The following DOCK3 variants were observed in gnomAD, a reference collection of about 807,000 sequenced individuals.
The protein encoded by DOCK3 is dedicator of cytokinesis protein 3.
Under a neutral mutation model 265.6 loss-of-function variants are expected in DOCK3, and 60 were observed. The ratio of observed to expected loss-of-function variants is 0.23; its 90% confidence interval spans 0.18 to 0.28. The LOEUF is 0.28. DOCK3 is among the 10% of genes least tolerant of loss of function. DOCK3 has a pLI of 1.00. For synonymous variants in DOCK3, 881 were observed against 938.0 expected, an observed-to-expected ratio of 0.94 and a Z score of 1.11; for missense variants, 1,981 against 2,594.3, an observed-to-expected ratio of 0.76 and a Z score of 5.14.
intron 1 of DOCK3, among the ~76,000 whole-genome samples, chr3:50,701,819 A>G (rs1009900784): frequency 6.6e-5 from 10 of 152,158 alleles, no homozygotes; most frequent in Non-Finnish European, 1.0e-4. Flanking sequence ...TATGGAAGAA[A>G]GTGTCCTATC....
intron 9 of DOCK3, among the ~76,000 whole-genome samples, chr3:51,123,427 A>C (rs2084123510): frequency 6.6e-6 from 1 of 152,204 alleles, no homozygotes. Context: ...GGGTTCTCCA[A>C]GACCACCCTT....
At position 51,229,524 on chromosome 3, in the gene DOCK3, C is replaced by T; in HGVS notation, c.1832C>T (p.Ala611Val). ...TKLTQNVDLL[A>V]LLKWKAFPDR... Reference sequence around the variant, plus strand: ...GCTTGCTTTCTAGTGGACCTCCTAGCTCTGCTGAAGTGGAAAGCCTTCCCC... The same window carrying T: ...GCTTGCTTTCTAGTGGACCTCCTAGTTCTGCTGAAGTGGAAAGCCTTCCCC... The change falls in exon 19 of 53, where the codon GCT becomes GTT. Residue 611 changes from alanine to valine, a missense_variant. Ala to Val is a moderately conservative substitution (Grantham distance 64, BLOSUM62 0). Transcript: ENST00000266037. 6.2e-7 allele frequency: 1 copy of T among 1,604,556 alleles called. No homozygotes were observed. Among genetic ancestry groups the T allele is most frequent in the Middle Eastern group, 1.7e-4 (1 of 6,030 alleles).
intron 2 of DOCK3, among the ~76,000 whole-genome samples, chr3:50,805,884 A>C (rs1163278737): frequency 1.3e-5 from 2 of 151,800 alleles, no homozygotes; most frequent in Non-Finnish European, 2.9e-5. Context: ...TGTCATTGGC[A>C]ACCTGTAGGG....
At chr3:50,964,365 G>A (rs2108413557) in intron 5 of DOCK3, among the ~76,000 whole-genome samples, 1 of 152,238 alleles carries the variant, frequency 6.6e-6, no homozygotes, top group South Asian at 2.1e-4. Context: ...AAACAATGAT[G>A]TTAAAGTGGT....
At chr3:51,173,107 A>G (rs985468559) in intron 12 of DOCK3, among the ~76,000 whole-genome samples, 1 of 152,074 alleles carries the variant, frequency 6.6e-6, no homozygotes, top group African/African-American at 2.4e-5. Context: ...TACCTTTACC[A>G]GTGAGTTTAT....
chr3:51,236,393 A>G lies in DOCK3; in HGVS notation c.1966A>G (p.Thr656Ala), dbSNP rs1388657894. The G allele has an allele frequency of 6.2e-7, 1 of 1,612,650 alleles. No homozygotes were observed. The change falls in exon 20 of 53, where the codon ACA (threonine) becomes GCA (alanine). Residue 656 changes from threonine (T) to alanine (A), a missense_variant. By Grantham distance (58) the Thr-to-Ala change is moderately conservative (BLOSUM62 0). This residue lies in a region of DOCK3 where 1,357 missense variants were observed against 1,866.8 expected (regional missense o/e 0.73). Transcript: ENST00000266037. ...DTLFVILDDNTEKYGLLVFQS... is the reference protein window; with the variant it reads ...DTLFVILDDNAEKYGLLVFQS... Reference sequence around the variant, plus strand: ...ACTCTTTGTGATTTTGGATGATAATACAGAGAAGTACGGCCTGTTGGTTTT... The same window carrying G: ...ACTCTTTGTGATTTTGGATGATAATGCAGAGAAGTACGGCCTGTTGGTTTT...
At chr3:51,153,482 A>G (rs1237640794) in intron 10 of DOCK3, among the ~76,000 whole-genome samples, 4 of 152,288 alleles carry the variant, frequency 2.6e-5, no homozygotes, top group Admixed American at 2.6e-4. Context: ...GATGCCCCAC[A>G]CTGCTTCGGC....
intron 27 of DOCK3, among the ~76,000 whole-genome samples, chr3:51,295,358 C>T (rs1232647072): frequency 6.6e-6 from 1 of 152,196 alleles, no homozygotes; most frequent in Admixed American, 6.5e-5. Flanking sequence ...AACCAGCTGT[C>T]ATGGGAACTA....
chr3:51,266,096 AAATACCTAGG>A (rs995505655), intron 23 of DOCK3, among the ~76,000 whole-genome samples: 2 of 152,196 alleles, frequency 1.3e-5, no homozygotes, highest in Non-Finnish European at 2.9e-5. Context: ...AAAGATAATA[AAATACCTAGG>A]AATACAACTT....
intron 49 of DOCK3, among the ~76,000 whole-genome samples, chr3:51,372,952 A>G (rs1471677760): frequency 6.6e-6 from 1 of 152,220 alleles, no homozygotes; most frequent in East Asian, 1.9e-4. Flanking sequence ...GAGTTTTAAA[A>G]ATCATATTTT....
chr3:51,223,942 G>A (rs1203017591), intron 14 of DOCK3, among the ~76,000 whole-genome samples: 1 of 152,104 alleles, frequency 6.6e-6, no homozygotes, highest in East Asian at 1.9e-4. Flanking sequence ...AATGTACCAG[G>A]AGGGCCCAAG....
At chr3:51,239,208 T>TTTATTTATTTA (rs1328085408) in intron 21 of DOCK3, among the ~76,000 whole-genome samples, 1 of 150,884 alleles carries the variant, frequency 6.6e-6, no homozygotes, top group African/African-American at 2.4e-5. Context: ...TTTTTATTTA[T>TTTATTTATTTA]TTATTTATTT....
intron 9 of DOCK3, among the ~76,000 whole-genome samples, chr3:51,095,689 TTTC>T (rs2082817378): frequency 6.6e-6 from 1 of 151,384 alleles, no homozygotes; most frequent in African/African-American, 2.4e-5. Flanking sequence ...TTTTAAAGCT[TTTC>T]ACCCCATCTT....
chr3:50,823,097 A>G (rs1231397147), intron 2 of DOCK3, among the ~76,000 whole-genome samples: 1 of 152,110 alleles, frequency 6.6e-6, no homozygotes, highest in Non-Finnish European at 1.5e-5. Context: ...ATTTTTCATT[A>G]TACTTGCAAC....
intron 1 of DOCK3, among the ~76,000 whole-genome samples, chr3:50,695,401 A>G (rs1205438891): frequency 2.0e-5 from 3 of 152,258 alleles, no homozygotes; most frequent in African/African-American, 7.2e-5. Context: ...CAAAGAGGGT[A>G]GAATGCACAA....
At chr3:50,777,074 A>G (rs1032628171) in intron 1 of DOCK3, among the ~76,000 whole-genome samples, 2 of 152,156 alleles carry the variant, frequency 1.3e-5, no homozygotes, top group African/African-American at 2.4e-5. Flanking sequence ...CCATGAGAGC[A>G]GTGTGGGGAA....
intron 4 of DOCK3, among the ~76,000 whole-genome samples, chr3:50,928,334 C>G (rs921627754): frequency 1.3e-5 from 2 of 151,984 alleles, no homozygotes; most frequent in Admixed American, 1.3e-4. Context: ...CTGGTAATCT[C>G]TATTCTATTT....
intron 9 of DOCK3, among the ~76,000 whole-genome samples, chr3:51,102,811 A>G (rs1212534597): frequency 1.3e-5 from 2 of 152,242 alleles, no homozygotes; most frequent in Non-Finnish European, 2.9e-5. Flanking sequence ...ATGAGTTTTT[A>G]AAAATCAGTT....
chr3:50,892,457 GAA>G (rs1175431282), intron 4 of DOCK3, among the ~76,000 whole-genome samples: 2 of 152,042 alleles, frequency 1.3e-5, no homozygotes, highest in Admixed American at 6.6e-5. Context: ...AAATGGCTAA[GAA>G]GAGCAATTTC....
Sources: allele counts gnomAD v4.1 joint callset (sites outside exome capture counted in the v4.1 genomes callset), GRCh38; gene constraint gnomAD v4.1.1; regional missense constraint gnomAD v4.1.1; transcripts MANE v1.5; gene names NCBI Gene and HGNC (gene_info 2026-07-23, HGNC 2026-07-21).